Variants in ME3 observed in about 807,000 individuals in gnomAD.
The protein encoded by ME3 is malic enzyme 3.
ME3 carries 48 observed loss-of-function variants against 68.9 expected under a neutral mutation model. The ratio of observed to expected loss-of-function variants is 0.70; its 90% CI spans 0.55 to 0.89. ME3 has a LOEUF of 0.89. ME3 is among the 40% of genes least tolerant of loss of function. The probability of loss-of-function intolerance (pLI) is 0.00; values close to 1 mark genes in which losing one functional copy is unlikely to be tolerated. For synonymous variants in ME3, 320 were observed against 318.8 expected (o/e 1.00, Z -0.04); for missense variants, 675 against 797.4 (o/e 0.85, Z 1.85).
At chr11:86,587,476 C>T (rs933523027) in intron 2 of ME3, among the ~76,000 whole-genome samples, 4 of 152,180 alleles carry the variant, frequency 2.6e-5, no homozygotes, top group Admixed American at 2.0e-4. Context: ...CATGCCCCAC[C>T]GTGCTGTGCT....
chr11:86,536,216 T>C (rs959848886), intron 4 of ME3, among the ~76,000 whole-genome samples: 1 of 152,062 alleles, frequency 6.6e-6, no homozygotes, highest in African/African-American at 2.4e-5. Flanking sequence ...ATTCAGGACA[T>C]AGGCATGAGC....
chr11:86,511,543 T>C (rs603890), intron 4 of ME3, among the ~76,000 whole-genome samples: 13,618 of 152,210 alleles, frequency 0.089, 805 homozygotes, highest in East Asian at 0.26. Context: ...AGGCTAACCA[T>C]GGGAGGAATT....
chr11:86,662,821 C>CA (rs1205694920), intron 2 of ME3, among the ~76,000 whole-genome samples: 5 of 152,186 alleles, frequency 3.3e-5, no homozygotes, highest in Non-Finnish European at 1.5e-5. Flanking sequence ...TTGGAATCTT[C>CA]AACACCTCTT....
At chr11:86,570,870 G>A (rs147670843) in intron 2 of ME3, among the ~76,000 whole-genome samples, 48 of 152,240 alleles carry the variant, frequency 3.2e-4, no homozygotes, top group African/African-American at 1.1e-3. Flanking sequence ...CAGCCAGCAT[G>A]GGGGAGTGGG....
chr11:86,492,867 T>C, intron 6 of ME3, among the ~76,000 whole-genome samples: 1 of 152,208 alleles, frequency 6.6e-6, no homozygotes, highest in Admixed American at 6.5e-5. Context: ...AAAAAATATT[T>C]ATCTTGCATA....
At chr11:86,484,864 T>C (rs912591454) in intron 7 of ME3, among the ~76,000 whole-genome samples, 3 of 152,232 alleles carry the variant, frequency 2.0e-5, no homozygotes, top group African/African-American at 7.2e-5. Context: ...TAACTTGGCC[T>C]CTCTGAGTCT....
intron 2 of ME3, among the ~76,000 whole-genome samples, chr11:86,617,337 G>C (rs977018029): frequency 6.6e-6 from 1 of 151,732 alleles, no homozygotes; most frequent in Non-Finnish European, 1.5e-5. Context: ...TAGTTTGAAG[G>C]TTCTTCTTTC....
intron 4 of ME3, among the ~76,000 whole-genome samples, chr11:86,548,197 A>G (rs1302717388): frequency 6.6e-6 from 1 of 152,198 alleles, no homozygotes. Context: ...TTCAGATGCA[A>G]ATCTCAAAGC....
chr11:86,506,692 C>T (rs538247552), intron 5 of ME3, among the ~76,000 whole-genome samples: 1 of 152,216 alleles, frequency 6.6e-6, no homozygotes, highest in Non-Finnish European at 1.5e-5. Flanking sequence ...GCATGTCTAT[C>T]AACTGAATTC....
At chr11:86,623,483 A>G (rs1270761859) in intron 2 of ME3, among the ~76,000 whole-genome samples, 1 of 151,148 alleles carries the variant, frequency 6.6e-6, no homozygotes, top group Non-Finnish European at 1.5e-5. Flanking sequence ...ACATATCTGT[A>G]TATGTCCTGT....
chr11:86,556,542 CGGG>C lies in ME3; in HGVS notation c.467+8_467+10del. On this transcript the variant is annotated splice_region_variant and intron_variant, in intron 4 of 14. Coordinates refer to ENST00000543262, the Ensembl canonical transcript of ME3. Reference sequence around the variant, plus strand: ...AGCCCCTCCCAGAGCCCTCACTCCACGGGGGCTCACCGGGGCCTGCGGAAAGTC... The same window carrying C: ...AGCCCCTCCCAGAGCCCTCACTCCACGGCTCACCGGGGCCTGCGGAAAGTC... 6.2e-7 allele frequency: 1 copy of C among 1,612,182 alleles called. No homozygotes were observed. Among genetic ancestry groups the C allele is most frequent in the Non-Finnish European group, 8.5e-7 (1 of 1,178,972 alleles).
At position 86,588,512 on chromosome 11, in the gene ME3, G is replaced by C. The variant is rs186282905; in HGVS notation, c.184-28689C>G. On this transcript the variant is annotated intron_variant, in intron 2 of 14. Coordinates refer to ENST00000543262, the Ensembl canonical transcript of ME3. ...TCCTACCAAGGCTCCTAAGTCAAAG[G>C]AGACCCCATAGAAAACGCCATATTT... Among the ~76,000 whole-genome samples the C allele has an allele frequency of 2.0e-5, 3 of 152,234 alleles. No homozygotes were observed. In the East Asian group the frequency reaches 5.8e-4, roughly 29 times the overall value.
At position 86,628,640 on chromosome 11, in the gene ME3, C is replaced by T. The variant is rs142789974; in HGVS notation, c.183+43122G>A. Among the ~76,000 whole-genome samples, 26 of 152,302 alleles carry T rather than the reference C, an allele frequency of 1.7e-4. No individual in the cohort carries two copies. In the East Asian group the frequency reaches 4.8e-3, roughly 28 times the overall value. On this transcript the variant is annotated intron_variant, in intron 2 of 14. Transcript: ENST00000543262. Reference sequence around the variant, plus strand: ...ACTAAGGTCTATTTTCTGATCTAGACATCAGTCTTACCTGGAAGCCCTTAA... The same window carrying T: ...ACTAAGGTCTATTTTCTGATCTAGATATCAGTCTTACCTGGAAGCCCTTAA...
At chr11:86,453,370 A>G (rs1284787011) in intron 8 of ME3, among the ~76,000 whole-genome samples, 3 of 152,192 alleles carry the variant, frequency 2.0e-5, no homozygotes. Flanking sequence ...AGCCAGAAGG[A>G]TGGACTGTAC....
intron 6 of ME3, among the ~76,000 whole-genome samples, chr11:86,487,989 C>T (rs1565848324): frequency 6.6e-6 from 1 of 152,108 alleles, no homozygotes; most frequent in East Asian, 1.9e-4. Context: ...GCTGTCCTAG[C>T]CAACCCAGTG....
chr11:86,575,128 A>G (rs987355012), intron 2 of ME3, among the ~76,000 whole-genome samples: 2 of 147,142 alleles, frequency 1.4e-5, no homozygotes, highest in African/African-American at 5.3e-5. Flanking sequence ...CAAGGTCTTC[A>G]TACAGCTTCT....
intron 8 of ME3, among the ~76,000 whole-genome samples, chr11:86,463,880 A>C (rs1482186792): frequency 6.6e-6 from 1 of 151,820 alleles, no homozygotes; most frequent in East Asian, 1.9e-4. Flanking sequence ...TCAAATCTCA[A>C]CTCTATGCTT....
chr11:86,609,735 T>A (rs986479557), intron 2 of ME3, among the ~76,000 whole-genome samples: 1 of 152,132 alleles, frequency 6.6e-6, no homozygotes, highest in East Asian at 1.9e-4. Flanking sequence ...AAAATTGTAA[T>A]AGCAAAAAAT....
At chr11:86,544,476 A>G (rs1363028177) in intron 4 of ME3, among the ~76,000 whole-genome samples, 1 of 152,254 alleles carries the variant, frequency 6.6e-6, no homozygotes, top group Non-Finnish European at 1.5e-5. Context: ...AGGAGATATC[A>G]CCACTGATTC....
Sources: allele counts gnomAD v4.1 joint callset (sites outside exome capture counted in the v4.1 genomes callset), GRCh38; gene constraint gnomAD v4.1.1; transcripts MANE v1.5; gene names NCBI Gene and HGNC (gene_info 2026-07-23, HGNC 2026-07-21).